The following KCNT2 variants were observed in gnomAD, a reference collection of about 807,000 sequenced individuals.
The protein encoded by KCNT2 is potassium sodium-activated channel subfamily T member 2.
A neutral mutation model predicts 153.8 loss-of-function variants in KCNT2; 67 were observed. The observed-to-expected ratio is 0.44, with a 90% CI of 0.36 to 0.53. KCNT2 has a LOEUF of 0.53. Among genes scored for constraint, KCNT2 ranks in the 20% least tolerant of loss-of-function variants. The pLI is 0.00. For synonymous variants in KCNT2, 500 were observed against 458.8 expected (o/e 1.09, Z -1.15); for missense variants, 975 against 1,354.8 (o/e 0.72, Z 4.40).
At chr1:196,467,554 C>T (rs1677730611) in intron 7 of KCNT2, 149 bp downstream of exon 7, 1 of 419,530 alleles carries the variant, frequency 2.4e-6, no homozygotes, top group South Asian at 9.4e-5. Flanking sequence ...TAATTAATTC[C>T]AATAGTATGA....
At chr1:196,465,706 T>G (rs1337634258) in intron 7 of KCNT2, among the ~76,000 whole-genome samples, 1 of 151,910 alleles carries the variant, frequency 6.6e-6, no homozygotes, top group East Asian at 1.9e-4. Flanking sequence ...AAGCATGAAC[T>G]TTTATGGAAA....
chr1:196,307,207 C>T (rs1053863308), intron 21 of KCNT2, among the ~76,000 whole-genome samples: 2 of 152,052 alleles, frequency 1.3e-5, no homozygotes, highest in African/African-American at 4.8e-5. Flanking sequence ...CTAGTGGCTA[C>T]ATACAAAAGG....
At chr1:196,252,057 G>A (rs1656023714) in intron 26 of KCNT2, among the ~76,000 whole-genome samples, 1 of 151,424 alleles carries the variant, frequency 6.6e-6, no homozygotes, top group Non-Finnish European at 1.5e-5. Flanking sequence ...TAAAATAATT[G>A]TTAATATATT....
rs116078305 is a variant in KCNT2, at chr1:196,449,148, G to A, written c.638+16145C>T. ...GGAATATTTGGCTTGTAGAAAAGAA[G>A]ACCGAGTACTCTCAATTGTCAATAT... On this transcript the variant is annotated intron_variant, in intron 8 of 27. Transcript: ENST00000294725. 4.0e-3 allele frequency among the ~76,000 whole-genome samples: 610 copies of A among 151,742 alleles called. 4 individuals are homozygous for A. The highest frequency in any genetic ancestry group is 6.0e-3 in the Non-Finnish European group (407 of 67,760).
chr1:196,440,633 G>A (rs1342191975), intron 8 of KCNT2, among the ~76,000 whole-genome samples: 1 of 151,850 alleles, frequency 6.6e-6, no homozygotes, highest in Non-Finnish European at 1.5e-5. Flanking sequence ...CTTTGTCTAT[G>A]ATGTGGATTA....
chr1:196,342,310 GT>G, intron 14 of KCNT2, 82 bp from the exon 15 acceptor site: 1 of 1,237,116 alleles, frequency 8.1e-7, no homozygotes, highest in Non-Finnish European at 1.1e-6. Context: ...TTATAGAACT[GT>G]TTCTCAACTG....
intron 3 of KCNT2, among the ~76,000 whole-genome samples, chr1:196,483,505 T>G (rs939609717): frequency 6.6e-6 from 1 of 152,170 alleles, no homozygotes; most frequent in Non-Finnish European, 1.5e-5. Context: ...GCCTTTGCAC[T>G]TCCGTTAGAA....
intron 12 of KCNT2, among the ~76,000 whole-genome samples, chr1:196,408,261 A>G (rs1572346084): frequency 6.6e-6 from 1 of 151,178 alleles, no homozygotes; most frequent in Non-Finnish European, 1.5e-5. Context: ...TCCAAGAAAA[A>G]CCTTCCACTC....
At chr1:196,457,872 T>C (rs973564452) in intron 8 of KCNT2, among the ~76,000 whole-genome samples, 2 of 151,906 alleles carry the variant, frequency 1.3e-5, no homozygotes, top group African/African-American at 4.8e-5. Context: ...AGTTAAGTCA[T>C]GGCCTCAAAA....
intron 8 of KCNT2, among the ~76,000 whole-genome samples, chr1:196,436,904 C>G (rs1056572508): frequency 6.9e-6 from 1 of 145,888 alleles, no homozygotes; most frequent in African/African-American, 2.5e-5. Context: ...TTAATAATGT[C>G]TCATTACAGC....
chr1:196,491,283 A>G (rs1367519197), intron 2 of KCNT2, among the ~76,000 whole-genome samples: 1 of 152,012 alleles, frequency 6.6e-6, no homozygotes, highest in Non-Finnish European at 1.5e-5. Context: ...TTAGAAAAAC[A>G]TTAGTTGCTA....
intron 26 of KCNT2, among the ~76,000 whole-genome samples, chr1:196,256,074 T>C (rs1048247576): frequency 3.3e-5 from 5 of 151,988 alleles, no homozygotes; most frequent in African/African-American, 9.7e-5. Context: ...CATAGTATTA[T>C]ATAAGCATAA....
At chr1:196,280,125 A>G (rs1053420412) in intron 25 of KCNT2, among the ~76,000 whole-genome samples, 3 of 152,240 alleles carry the variant, frequency 2.0e-5, no homozygotes, top group East Asian at 3.8e-4. Context: ...AGATATTGAT[A>G]GAATGATGAA....
chr1:196,241,188 GTTTTGTTTTTGT>G (rs200445906), intron 26 of KCNT2, among the ~76,000 whole-genome samples: 154 of 151,804 alleles, frequency 1.0e-3, no homozygotes, highest in Middle Eastern at 3.4e-3. Flanking sequence ...AGAGGGTTTT[GTTTTGTTTTTGT>G]TTTTGTTTTT....
intron 25 of KCNT2, among the ~76,000 whole-genome samples, chr1:196,263,685 T>A (rs1362329841): frequency 6.7e-6 from 1 of 148,228 alleles, no homozygotes; most frequent in Non-Finnish European, 1.5e-5. Flanking sequence ...GTGAAAAAAA[T>A]ATCAAATTAT....
At chr1:196,499,898 C>T (rs551286903) in intron 1 of KCNT2, among the ~76,000 whole-genome samples, 1 of 152,160 alleles carries the variant, frequency 6.6e-6, no homozygotes, top group Non-Finnish European at 1.5e-5. Flanking sequence ...AATCCCAGCA[C>T]TTTGGAAGGC....
At chr1:196,449,693 G>A (rs1675986962) in intron 8 of KCNT2, among the ~76,000 whole-genome samples, 1 of 151,352 alleles carries the variant, frequency 6.6e-6, no homozygotes, top group Admixed American at 6.6e-5. Flanking sequence ...GTACTAATAG[G>A]AAATCATGAG....
chr1:196,259,814 A>C (rs1656842633), intron 25 of KCNT2, among the ~76,000 whole-genome samples: 1 of 151,972 alleles, frequency 6.6e-6, no homozygotes, highest in South Asian at 2.1e-4. Context: ...AAAATAATTG[A>C]GATTAAATGA....
chr1:196,433,714 A>G (rs1306061077), intron 8 of KCNT2, among the ~76,000 whole-genome samples: 1 of 152,072 alleles, frequency 6.6e-6, no homozygotes, highest in Non-Finnish European at 1.5e-5. Context: ...TAAATATTCA[A>G]TGTTTACTTT....
Sources: gnomAD v4.1 joint callset for allele counts (sites outside exome capture counted in the v4.1 genomes callset) on GRCh38, gnomAD v4.1.1 for gene constraint, MANE v1.5 for transcripts, NCBI Gene and HGNC (gene_info 2026-07-23, HGNC 2026-07-21) for gene names.